The following NARS2 variants were observed in gnomAD, a reference collection of about 807,000 sequenced individuals.
NARS2 encodes asparaginyl-tRNA synthetase 2, mitochondrial.
A neutral mutation model predicts 62.9 loss-of-function variants in NARS2; 60 were observed. The ratio of observed to expected loss-of-function variants is 0.95; its 90% CI spans 0.77 to 1.18. NARS2 has a LOEUF of 1.18. Among genes scored for constraint, NARS2 ranks in the 50% most tolerant of loss-of-function variants. The pLI, the probability that NARS2 is intolerant of heterozygous loss-of-function variation, is 0.00. For synonymous variants in NARS2, 196 were observed against 200.0 expected (o/e 0.98, Z 0.17); for missense variants, 619 against 576.4 (o/e 1.07, Z -0.76).
chr11:78,563,021 G>A (rs1376924801), intron 4 of NARS2, among the ~76,000 whole-genome samples: 2 of 151,766 alleles, frequency 1.3e-5, no homozygotes, highest in Non-Finnish European at 2.9e-5. Flanking sequence ...CTACAGAAAG[G>A]GTTCTTTAAA....
At position 78,568,693 on chromosome 11, in the gene NARS2, T is replaced by C. The variant is rs538946129; in HGVS notation, c.311A>G (p.Lys104Arg). The change falls in exon 3 of 14, where the codon AAA (lysine) becomes AGA (arginine). Residue 104 changes from lysine to arginine, a missense_variant. Lys to Arg is a conservative substitution (Grantham distance 26). Transcript: ENST00000281038. ...VQGQLIKSPS[K>R]RQNVELKAEK... is the part of the protein sequence containing the mutation. ...TGCCTTCAGTTCCACATTTTGCCTTTTGGATGGACTTTTTATCAGCTGCCC... is the reference window on the plus strand; with the variant it reads ...TGCCTTCAGTTCCACATTTTGCCTTCTGGATGGACTTTTTATCAGCTGCCC... 900 of 1,613,356 alleles carry C rather than the reference T, an allele frequency of 5.6e-4. 13 individuals are homozygous for C. The South Asian group carries it at 9.4e-3, about 17-fold the overall frequency.
chr11:78,474,398 G>T (rs1430679655), intron 9 of NARS2, among the ~76,000 whole-genome samples: 1 of 152,018 alleles, frequency 6.6e-6, no homozygotes, highest in Non-Finnish European at 1.5e-5. Context: ...TTATTCTCAA[G>T]AACTAGCAAA....
intron 5 of NARS2, among the ~76,000 whole-genome samples, chr11:78,554,807 G>A (rs1442744651): frequency 6.6e-6 from 1 of 152,160 alleles, no homozygotes; most frequent in Non-Finnish European, 1.5e-5. Flanking sequence ...ATACTATGTT[G>A]AAGAGAAGTG....
intron 4 of NARS2, among the ~76,000 whole-genome samples, chr11:78,565,083 G>C (rs1042861395): frequency 4.6e-5 from 7 of 152,196 alleles, no homozygotes; most frequent in African/African-American, 1.7e-4. Flanking sequence ...ATCACTCCTT[G>C]TCTTTGGGGC....
intron 5 of NARS2, among the ~76,000 whole-genome samples, chr11:78,552,462 A>G (rs1447231389): frequency 2.0e-5 from 3 of 152,182 alleles, no homozygotes; most frequent in Non-Finnish European, 4.4e-5. Flanking sequence ...ATTCACGTGC[A>G]TGTGTCTTTA....
rs141374512 is a variant in NARS2 at position 78,545,858 on chromosome 11, C to G, written c.594+13681G>C. Among the ~76,000 whole-genome samples, 50 of 152,202 alleles carry G rather than the reference C, an allele frequency of 3.3e-4. No individual in the cohort carries two copies. In the East Asian group the frequency reaches 9.1e-3, roughly 28 times the overall value. On this transcript the variant is annotated intron_variant, in intron 5 of 13. Coordinates refer to ENST00000281038, the MANE Select transcript of NARS2 (RefSeq NM_024678.6). ...TGGTCCACTCATGCTTTTTGAACAT[C>G]TTTTCAGTAAAGCTTTCCTTGACCA...
At chr11:78,443,325 T>G (rs1415445214) in intron 12 of NARS2, among the ~76,000 whole-genome samples, 2 of 103,404 alleles carry the variant, frequency 1.9e-5, no homozygotes, top group African/African-American at 1.3e-4. Flanking sequence ...AGACTCCGTC[T>G]CAAAAAAAAA....
Position 78,441,137 on chromosome 11 carries a change from ATTCT to A in NARS2, c.1263-24_1263-21del, listed in dbSNP as rs1857565703. 6.2e-7 allele frequency: 1 copy of A among 1,605,840 alleles called. No homozygotes were observed. Among genetic ancestry groups the A allele is most frequent in the Non-Finnish European group, 8.5e-7 (1 of 1,175,946 alleles). ...CCCGATCTGTTTAAAGGAAAATAAAATTCTTTCAGGGAACGGCAATAAGATAAAT... is the reference window on the plus strand; with the variant it reads ...CCCGATCTGTTTAAAGGAAAATAAAATTCAGGGAACGGCAATAAGATAAAT... On this transcript the variant is annotated intron_variant, in intron 12 of 13. Coordinates refer to ENST00000281038, the MANE Select transcript of NARS2 (RefSeq NM_024678.6).
chr11:78,469,839 G>A (rs1398025786), intron 9 of NARS2, among the ~76,000 whole-genome samples: 1 of 152,064 alleles, frequency 6.6e-6, no homozygotes, highest in Non-Finnish European at 1.5e-5. Flanking sequence ...TTCGTGCTAT[G>A]AAGAAAAATA....
intron 6 of NARS2, among the ~76,000 whole-genome samples, chr11:78,493,821 A>G (rs1408021344): frequency 6.6e-6 from 1 of 152,246 alleles, no homozygotes; most frequent in Non-Finnish European, 1.5e-5. Context: ...GCCTTAAAAC[A>G]GCAGGCAACT....
At chr11:78,544,265 A>G (rs1041034064) in intron 5 of NARS2, among the ~76,000 whole-genome samples, 7 of 152,154 alleles carry the variant, frequency 4.6e-5, no homozygotes, top group African/African-American at 1.7e-4. Flanking sequence ...ACTCACAGCC[A>G]ATATTCTTAT....
At chr11:78,504,893 C>T (rs1026830219) in intron 6 of NARS2, among the ~76,000 whole-genome samples, 13 of 152,072 alleles carry the variant, frequency 8.5e-5, no homozygotes, top group Admixed American at 4.6e-4. Flanking sequence ...GTTATCAGCC[C>T]TCCCTTTCAC....
intron 6 of NARS2, among the ~76,000 whole-genome samples, chr11:78,528,395 T>C (rs1861368944): frequency 6.6e-6 from 1 of 152,174 alleles, no homozygotes; most frequent in African/African-American, 2.4e-5. Flanking sequence ...TTGATCTGAC[T>C]TAAAAGATGT....
At chr11:78,506,423 AACTAAGT>A (rs1860501261) in intron 6 of NARS2, among the ~76,000 whole-genome samples, 1 of 152,214 alleles carries the variant, frequency 6.6e-6, no homozygotes, top group Non-Finnish European at 1.5e-5. Context: ...CGCAGGAAAC[AACTAAGT>A]ATCAAACGAC....
chr11:78,463,737 A>AAC (rs34069941), intron 11 of NARS2, among the ~76,000 whole-genome samples: 3 of 147,864 alleles, frequency 2.0e-5, no homozygotes, highest in South Asian at 2.1e-4. Flanking sequence ...AAAAAAAAAA[A>AAC]CCACAGGACA....
chr11:78,566,160 G>T lies in NARS2; in HGVS notation c.485C>A (p.Ala162Glu). Residue 162 changes from alanine to glutamate, a missense_variant, in exon 4 of 14, where the codon GCG (alanine) becomes GAG (glutamate). By Grantham distance (107) the Ala-to-Glu change is moderately radical. Transcript: ENST00000281038. ...AAAGAAAGAATGAATAGCAGCTGTC[G>T]CTTCACTGCGAATCCTCAATATAGA... The part of the protein sequence containing the change: ...LGSILRIRSE[A>E]TAAIHSFFKD... 6.2e-7 allele frequency: 1 copy of T among 1,610,092 alleles called. No homozygotes were observed. Among genetic ancestry groups the T allele is most frequent in the East Asian group, 2.2e-5 (1 of 44,790 alleles).
At chr11:78,551,075 AG>A (rs1296794392) in intron 5 of NARS2, among the ~76,000 whole-genome samples, 1 of 152,218 alleles carries the variant, frequency 6.6e-6, no homozygotes, top group Non-Finnish European at 1.5e-5. Context: ...GGGAATGGCA[AG>A]GGGCTGCTAC....
intron 11 of NARS2, among the ~76,000 whole-genome samples, chr11:78,445,475 G>A (rs1051525398): frequency 6.6e-6 from 1 of 152,066 alleles, no homozygotes; most frequent in Non-Finnish European, 1.5e-5. Flanking sequence ...ACAAAAATTA[G>A]CCAAGTGCAG....
At chr11:78,544,011 T>A (rs533242380) in intron 5 of NARS2, among the ~76,000 whole-genome samples, 1,207 of 112,072 alleles carry the variant, frequency 0.011, 16 homozygotes, top group African/African-American at 0.043. Flanking sequence ...AGAGTAAGAC[T>A]CTGTCTCAAA....
Sources: gnomAD v4.1 joint callset for allele counts (sites outside exome capture counted in the v4.1 genomes callset) on GRCh38, gnomAD v4.1.1 for gene constraint, MANE v1.5 for transcripts, NCBI Gene and HGNC (gene_info 2026-07-23, HGNC 2026-07-21) for gene names.